Variants in PHEX observed in about 807,000 individuals in gnomAD.
The protein encoded by PHEX is phosphate-regulating neutral endopeptidase PHEX.
PHEX carries 16 observed loss-of-function variants against 68.0 expected under a neutral mutation model. The ratio of observed to expected loss-of-function variants is 0.24; its 90% CI spans 0.16 to 0.36. The LOEUF (loss-of-function observed/expected upper bound fraction) is 0.36. Among genes scored for constraint, PHEX ranks in the 10% least tolerant of loss-of-function variants. The probability of loss-of-function intolerance (pLI) is 1.00; values close to 1 mark genes in which losing one functional copy is unlikely to be tolerated. For synonymous variants in PHEX, 208 were observed against 205.1 expected (o/e 1.01, Z -0.12); for missense variants, 480 against 575.5 (o/e 0.83, Z 1.70).
At chrX:22,117,187 A>G (rs1437776261) in intron 11 of PHEX, among the ~76,000 whole-genome samples, 1 of 112,035 alleles carries the variant, frequency 8.9e-6, no homozygotes, top group East Asian at 2.8e-4. Context: ...GCTCTAGAAA[A>G]CTTTGTAACT....
At chrX:22,127,876 G>A (rs1931804298) in intron 11 of PHEX, among the ~76,000 whole-genome samples, 1 of 110,626 alleles carries the variant, frequency 9.0e-6, no homozygotes, top group Non-Finnish European at 1.9e-5. Context: ...TGGATTCAGG[G>A]AAGACAGAGG....
In PHEX at chrX:22,097,004, T is replaced by C. The variant is rs762535711; in HGVS notation, c.899T>C (p.Met300Thr). 1.7e-6 allele frequency: 2 copies of C among 1,200,894 alleles called. No individual in the cohort carries two copies. The highest frequency in any genetic ancestry group is 2.3e-6 in the Non-Finnish European group (2 of 885,794). Residue 300 changes from methionine to threonine, a missense_variant, in exon 8 of 22, where the codon ATG (methionine) becomes ACG (threonine). Transcript: ENST00000379374. The stretch of plus-strand genomic sequence containing the variant: ...ACCAGCGAGGCCATGTACAACAAAA[T>C]GAACATTTCTGAACTGAGTGCTATG... ...NRTSEAMYNK[M>T]NISELSAMIP... is the part of the protein sequence containing the mutation.
At chrX:22,041,785 TTG>T (rs1348601075) in intron 2 of PHEX, among the ~76,000 whole-genome samples, 1 of 110,891 alleles carries the variant, frequency 9.0e-6, no homozygotes, top group East Asian at 2.8e-4. Flanking sequence ...GAACACTTTT[TTG>T]TATGGAAGGC....
At position 22,249,442 on chromosome X, in the gene PHEX, T is replaced by TAAAAAAAAAA. The variant is rs540966419; in HGVS notation, c.*1494_*1503dup. On this transcript the variant is annotated 3_prime_UTR_variant, in exon 22 of 22. Transcript: ENST00000379374. ...GTGTCCCTGTGATTTGTGATTCTTT[T>TAAAAAAAAAA]AAAAAAAAAAAAAATATATATATAT... The TAAAAAAAAAA allele has an allele frequency of 5.2e-5, 2 of 38,672 alleles. No individual in the cohort carries two copies. The highest frequency in any genetic ancestry group is 3.4e-4 in the African/African-American group (2 of 5,954). 3.2% of individuals were successfully genotyped at this position (38,672 alleles called of 1,213,427 possible).
At chrX:22,099,901 A>G (rs1748969894) in intron 9 of PHEX, among the ~76,000 whole-genome samples, 1 of 112,212 alleles carries the variant, frequency 8.9e-6, no homozygotes, top group South Asian at 3.7e-4. Flanking sequence ...CTATGTTGCC[A>G]GAAGTTACGT....
intron 15 of PHEX, among the ~76,000 whole-genome samples, chrX:22,203,842 C>G (rs1419145718): frequency 8.9e-6 from 1 of 111,993 alleles, no homozygotes; most frequent in Non-Finnish European, 1.9e-5. Flanking sequence ...TTGTTACATG[C>G]ATGGTGTTGA....
chrX:22,112,759 C>T (rs374825224), intron 10 of PHEX, among the ~76,000 whole-genome samples: 2 of 109,857 alleles, frequency 1.8e-5, no homozygotes, highest in African/African-American at 3.3e-5. Flanking sequence ...AAAAATTAGC[C>T]GGGCATGGTG....
chrX:22,179,214 T>A (rs914369689), intron 14 of PHEX, among the ~76,000 whole-genome samples: 23 of 101,355 alleles, frequency 2.3e-4, no homozygotes, highest in Non-Finnish European at 3.8e-4. Context: ...AAGGCCCACT[T>A]CTCCAATGCT....
At chrX:22,209,630 T>G (rs1392648184) in intron 15 of PHEX, among the ~76,000 whole-genome samples, 1 of 110,179 alleles carries the variant, frequency 9.1e-6, no homozygotes, top group African/African-American at 3.3e-5. Flanking sequence ...ATCACATTTA[T>G]TAACTTTTGC....
intron 11 of PHEX, among the ~76,000 whole-genome samples, chrX:22,128,304 C>T (rs995793179): frequency 9.1e-6 from 1 of 109,716 alleles, no homozygotes; most frequent in Admixed American, 1.0e-4. Flanking sequence ...CTCAGGTGAT[C>T]CAACCGCCTC....
At chrX:22,213,265 G>C (rs894806209) in intron 16 of PHEX, among the ~76,000 whole-genome samples, 1 of 111,888 alleles carries the variant, frequency 8.9e-6, no homozygotes, top group Admixed American at 9.5e-5. Flanking sequence ...GAATTGATGG[G>C]ATGAGTCTAA....
chrX:22,048,467 T>C (rs1390355284), intron 3 of PHEX, among the ~76,000 whole-genome samples: 1 of 111,590 alleles, frequency 9.0e-6, no homozygotes, highest in Admixed American at 9.6e-5. Context: ...GACAGATGTG[T>C]ACACACACAT....
chrX:22,168,445 G>A, intron 13 of PHEX, 56 bp downstream of exon 13: 1 of 755,813 alleles, frequency 1.3e-6, no homozygotes, highest in Non-Finnish European at 2.1e-6. Flanking sequence ...CTGGCCTTGT[G>A]CCTTTCAACT....
intron 10 of PHEX, among the ~76,000 whole-genome samples, chrX:22,114,245 C>T (rs775363699): frequency 2.1e-4 from 23 of 110,821 alleles, no homozygotes; most frequent in African/African-American, 6.2e-4. Flanking sequence ...CCACTTTGAC[C>T]GGCCTAAAAC....
Position 22,096,989 on chromosome X carries a change from C to G in PHEX, c.884C>G (p.Ala295Gly), listed in dbSNP as rs769430757. The change falls in exon 8 of 22, where the codon GCC becomes GGC. Residue 295 changes from alanine to glycine, a missense_variant. By Grantham distance (60) the Ala-to-Gly change is moderately conservative (BLOSUM62 0). Coordinates refer to ENST00000379374, the MANE Select transcript of PHEX (RefSeq NM_000444.6). The stretch of plus-strand genomic sequence containing the variant: ...CCACATGAAAACCGAACCAGCGAGG[C>G]CATGTACAACAAAATGAACATTTCT... The part of the protein sequence containing the change: ...MIPHENRTSE[A>G]MYNKMNISEL... The G allele has an allele frequency of 1.7e-6, 2 of 1,202,824 alleles. No individual in the cohort carries two copies. The highest frequency in any genetic ancestry group is 3.5e-5 in the African/African-American group (2 of 57,005).
At chrX:22,137,358 G>A (rs1275167691) in intron 12 of PHEX, among the ~76,000 whole-genome samples, 1 of 112,089 alleles carries the variant, frequency 8.9e-6, no homozygotes, top group African/African-American at 3.2e-5. Context: ...CAGGGAGGTG[G>A]CATCCTAATG....
rs924283875 is a variant in PHEX, at chrX:22,234,506, G to A, written c.2070+6895G>A. ...ATCTGGCAGTCTGGCCACAGTGGCC[G>A]TGCTGAGCTGTGGTGGGCTCCTCCC... On this transcript the variant is annotated intron_variant, in intron 20 of 21. Transcript: ENST00000379374. Among the ~76,000 whole-genome samples the A allele has an allele frequency of 6.3e-5, 7 of 110,754 alleles. No individual in the cohort carries two copies. In the South Asian group the frequency reaches 1.5e-3, roughly 24 times the overall value.
intron 6 of PHEX, among the ~76,000 whole-genome samples, chrX:22,091,685 A>G (rs1478755558): frequency 8.9e-6 from 1 of 111,746 alleles, no homozygotes; most frequent in Non-Finnish European, 1.9e-5. Context: ...TCTCATCTGG[A>G]TTTGTTCTTC....
At chrX:22,188,114 G>T (rs1452259166) in intron 14 of PHEX, among the ~76,000 whole-genome samples, 3 of 112,034 alleles carry the variant, frequency 2.7e-5, no homozygotes, top group African/African-American at 9.7e-5. Context: ...GAGAAGGTAT[G>T]AGTTTACCAA....
Sources: allele counts gnomAD v4.1 joint callset (sites outside exome capture counted in the v4.1 genomes callset), GRCh38; gene constraint gnomAD v4.1.1; transcripts MANE v1.5; gene names NCBI Gene and HGNC (gene_info 2026-07-23, HGNC 2026-07-21).